The following PRKCH variants were observed in gnomAD, a reference collection of about 807,000 sequenced individuals.
PRKCH encodes the protein protein kinase C eta type.
A neutral mutation model predicts 82.5 loss-of-function variants in PRKCH; 28 were observed. That is an observed-to-expected ratio of 0.34 (90% CI 0.25 to 0.47). The LOEUF (loss-of-function observed/expected upper bound fraction) is 0.47, where lower values mean the gene tolerates loss of function less well. Ranked by LOEUF, PRKCH falls within the 20% of genes least tolerant of loss-of-function variation. The pLI, the probability that PRKCH is intolerant of heterozygous loss-of-function variation, is 1.00. For synonymous variants in PRKCH, 322 were observed against 327.4 expected, an observed-to-expected ratio of 0.98 and a Z score of 0.18; for missense variants, 705 against 881.8, an observed-to-expected ratio of 0.80 and a Z score of 2.54.
intron 2 of PRKCH, among the ~76,000 whole-genome samples, chr14:61,423,654 A>G (rs1033174047): frequency 8.5e-5 from 13 of 152,132 alleles, no homozygotes; most frequent in African/African-American, 3.1e-4. Context: ...TGACAGGAAC[A>G]TAGGTTTGTT....
intron 9 of PRKCH, among the ~76,000 whole-genome samples, chr14:61,479,039 G>A (rs757747277): frequency 1.2e-4 from 18 of 152,108 alleles, no homozygotes; most frequent in Admixed American, 2.0e-4. Flanking sequence ...CAGCTCTCTC[G>A]GCTGATCTGA....
intron 10 of PRKCH, among the ~76,000 whole-genome samples, chr14:61,511,834 A>G (rs767986692): frequency 6.6e-5 from 10 of 152,136 alleles, no homozygotes; most frequent in Non-Finnish European, 1.3e-4. Context: ...CAAAAACTTC[A>G]AGTTCACTTC....
intron 1 of PRKCH, among the ~76,000 whole-genome samples, chr14:61,223,345 T>G (rs1344992974): frequency 6.6e-6 from 1 of 152,316 alleles, no homozygotes; most frequent in Non-Finnish European, 1.5e-5. Flanking sequence ...ACCTAAAGGT[T>G]TGACTTTTGG....
chr14:61,274,536 TAAAG>T (rs1210873384), intron 1 of PRKCH, among the ~76,000 whole-genome samples: 7 of 152,132 alleles, frequency 4.6e-5, no homozygotes, highest in Admixed American at 1.3e-4. Flanking sequence ...AGGGCAGTGA[TAAAG>T]AGAGAATTGA....
intron 1 of PRKCH, among the ~76,000 whole-genome samples, chr14:61,334,567 A>G (rs2045829641): frequency 6.6e-6 from 1 of 152,184 alleles, no homozygotes; most frequent in Admixed American, 6.5e-5. Flanking sequence ...AGCAGAGGCA[A>G]CAAAGGCCCT....
intron 1 of PRKCH, among the ~76,000 whole-genome samples, chr14:61,332,360 G>C (rs2045800546): frequency 6.6e-6 from 1 of 152,164 alleles, no homozygotes; most frequent in African/African-American, 2.4e-5. Flanking sequence ...TATTATGTTA[G>C]TGTGCTTCTG....
At chr14:61,361,462 T>C (rs1053769101) in intron 1 of PRKCH, among the ~76,000 whole-genome samples, 1 of 152,264 alleles carries the variant, frequency 6.6e-6, no homozygotes, top group African/African-American at 2.4e-5. Context: ...TATTTACCAA[T>C]GAAGCATTAG....
intron 1 of PRKCH, among the ~76,000 whole-genome samples, chr14:61,283,724 C>G (rs1167097134): frequency 6.6e-6 from 1 of 151,998 alleles, no homozygotes; most frequent in Non-Finnish European, 1.5e-5. Flanking sequence ...TGGCATGTGC[C>G]TGAGGTCCCA....
chr14:61,519,197 G>A (rs1300180413), intron 10 of PRKCH, among the ~76,000 whole-genome samples: 4 of 152,068 alleles, frequency 2.6e-5, no homozygotes, highest in Admixed American at 6.5e-5. Flanking sequence ...TGAGAGGATC[G>A]CTTGGGCCCA....
intron 1 of PRKCH, among the ~76,000 whole-genome samples, chr14:61,373,553 G>A (rs1411674429): frequency 2.0e-5 from 3 of 151,886 alleles, no homozygotes; most frequent in Non-Finnish European, 2.9e-5. Context: ...CAAATCTCAT[G>A]TCCTTCTCAA....
At chr14:61,375,712 C>G (rs551387824) in intron 1 of PRKCH, among the ~76,000 whole-genome samples, 1 of 152,112 alleles carries the variant, frequency 6.6e-6, no homozygotes, top group Non-Finnish European at 1.5e-5. Context: ...CTCCATGATT[C>G]AGTCACCTCC....
intron 9 of PRKCH, among the ~76,000 whole-genome samples, chr14:61,478,606 C>G (rs1885832699): frequency 6.6e-6 from 1 of 152,164 alleles, no homozygotes. Flanking sequence ...CATGGTTGCT[C>G]ACGCCTGTAA....
chr14:61,517,237 C>T (rs3751290), intron 10 of PRKCH, among the ~76,000 whole-genome samples: 11,466 of 152,274 alleles, frequency 0.075, 533 homozygotes, highest in South Asian at 0.11. Context: ...TCCTCATCAC[C>T]ACCTCCCTTT....
intron 2 of PRKCH, among the ~76,000 whole-genome samples, chr14:61,417,184 A>G (rs1057188247): frequency 6.6e-6 from 1 of 152,182 alleles, no homozygotes; most frequent in African/African-American, 2.4e-5. Flanking sequence ...TTTATTAATC[A>G]TTATTTCCAG....
chr14:61,202,320 A>G (rs1332635463), intron 1 of PRKCH, among the ~76,000 whole-genome samples: 2 of 152,158 alleles, frequency 1.3e-5, no homozygotes, highest in African/African-American at 4.8e-5. Flanking sequence ...TGGGAGTTCC[A>G]CTTCCTCTTC....
At chr14:61,427,120 G>T (rs764861347) in intron 2 of PRKCH, among the ~76,000 whole-genome samples, 1 of 152,128 alleles carries the variant, frequency 6.6e-6, no homozygotes, top group African/African-American at 2.4e-5. Flanking sequence ...GTATACATTG[G>T]TTTGGTCTGG....
intron 10 of PRKCH, among the ~76,000 whole-genome samples, chr14:61,501,463 C>T (rs60209916): frequency 0.015 from 2,272 of 152,000 alleles, 66 homozygotes; most frequent in African/African-American, 0.052. Context: ...AAAGCAGTAG[C>T]GAAAGCTACA....
intron 10 of PRKCH, among the ~76,000 whole-genome samples, chr14:61,493,622 A>C (rs1162841864): frequency 6.6e-6 from 1 of 152,228 alleles, no homozygotes; most frequent in Non-Finnish European, 1.5e-5. Flanking sequence ...CACAAATTCC[A>C]TGCCAGGGAG....
chr14:61,501,630 A>G lies in PRKCH; in HGVS notation c.1433+15974A>G, dbSNP rs1340749477. On this transcript the variant is annotated intron_variant, in intron 10 of 13. Coordinates refer to ENST00000332981, the MANE Select transcript of PRKCH (RefSeq NM_006255.5). The stretch of plus-strand genomic sequence containing the variant: ...CTTCATTTCTGTTTTATTTCTAGCA[A>G]CTGAGCCAACATTTGTCTGCAGGAA... Among the ~76,000 whole-genome samples, 3 of 152,128 alleles carry G rather than the reference A, an allele frequency of 2.0e-5. No homozygotes were observed. In the East Asian group the frequency reaches 5.8e-4, roughly 29 times the overall value.
Sources: allele counts gnomAD v4.1 joint callset (sites outside exome capture counted in the v4.1 genomes callset), GRCh38; gene constraint gnomAD v4.1.1; transcripts MANE v1.5; gene names NCBI Gene and HGNC (gene_info 2026-07-23, HGNC 2026-07-21).